The following PITPNC1 variants were observed in gnomAD, a reference collection of about 807,000 sequenced individuals.
The protein encoded by PITPNC1 is phosphatidylinositol transfer protein cytoplasmic 1.
A neutral mutation model predicts 44.7 loss-of-function variants in PITPNC1; 18 were observed. The ratio of observed to expected loss-of-function variants is 0.40; its 90% CI spans 0.28 to 0.60. PITPNC1 has a LOEUF of 0.60. PITPNC1 is among the 20% of genes least tolerant of loss of function. PITPNC1 has a pLI of 0.39. For missense variants in PITPNC1, 290 were observed against 418.4 expected (o/e 0.69, Z 2.68); for synonymous variants, 141 against 149.6 (o/e 0.94, Z 0.42).
intron 1 of PITPNC1, among the ~76,000 whole-genome samples, chr17:67,437,889 G>A (rs1438119489): frequency 1.3e-5 from 2 of 152,074 alleles, no homozygotes; most frequent in Admixed American, 6.5e-5. Context: ...CTAGCATGGC[G>A]AAACCCCATC....
At chr17:67,495,080 G>A (rs1263133445) in intron 1 of PITPNC1, among the ~76,000 whole-genome samples, 1 of 49,696 alleles carries the variant, frequency 2.0e-5, no homozygotes, top group African/African-American at 7.0e-5. Flanking sequence ...TTTTTGAGAC[G>A]GAGTCTGGCT....
Position 67,553,529 on chromosome 17 carries a change from A to G in PITPNC1, c.287-81A>G, listed in dbSNP as rs530317658. 6.6e-5 allele frequency: 39 copies of G among 589,990 alleles called. No individual in the cohort carries two copies. In the South Asian group the frequency reaches 1.1e-3, roughly 16 times the overall value. 36.5% of individuals were successfully genotyped at this position (589,990 alleles called of 1,614,324 possible). Reference sequence around the variant, plus strand: ...AGTATTTGTTAGTTCTGTGGTTTTTATATTGCATATAAGCATGATCTAAAT... The same window carrying G: ...AGTATTTGTTAGTTCTGTGGTTTTTGTATTGCATATAAGCATGATCTAAAT... On this transcript the variant is annotated intron_variant, in intron 3 of 8. Coordinates refer to ENST00000581322, the MANE Select transcript of PITPNC1 (RefSeq NM_012417.4).
chr17:67,684,123 T>C (rs2042768776), intron 8 of PITPNC1, among the ~76,000 whole-genome samples: 1 of 147,578 alleles, frequency 6.8e-6, no homozygotes, highest in East Asian at 2.0e-4. Context: ...ATTTTTTTTT[T>C]TTTTTTGAGA....
At chr17:67,567,608 G>A (rs1228776041) in intron 4 of PITPNC1, among the ~76,000 whole-genome samples, 1 of 152,166 alleles carries the variant, frequency 6.6e-6, no homozygotes, top group Admixed American at 6.5e-5. Context: ...GTAGCCGTCT[G>A]GAAGTTCCTC....
intron 6 of PITPNC1, among the ~76,000 whole-genome samples, chr17:67,659,836 C>G (rs955251865): frequency 6.6e-6 from 1 of 152,124 alleles, no homozygotes. Flanking sequence ...CATAAGTATA[C>G]ACCTGTGAAA....
intron 1 of PITPNC1, among the ~76,000 whole-genome samples, chr17:67,507,221 T>G (rs2040116817): frequency 6.6e-6 from 1 of 152,142 alleles, no homozygotes; most frequent in Non-Finnish European, 1.5e-5. Context: ...GCTGAGAATG[T>G]GTGCAGAACA....
intron 1 of PITPNC1, among the ~76,000 whole-genome samples, chr17:67,495,305 G>A (rs974306410): frequency 1.3e-5 from 2 of 151,836 alleles, no homozygotes; most frequent in African/African-American, 2.4e-5. Context: ...TGATCCGTCC[G>A]CCTCAGCCTC....
rs141110395 is a variant in PITPNC1 at position 67,616,656 on chromosome 17, C to T, written c.367-15487C>T. 7.2e-5 allele frequency among the ~76,000 whole-genome samples: 11 copies of T among 152,194 alleles called. No homozygotes were observed. In the East Asian group the frequency reaches 1.9e-3, roughly 27 times the overall value. ...GGTTCTCAACCCTTTTGTTGAGCAC[C>T]GGTTTGCTGGTGCTCTTTTTAGACA... On this transcript the variant is annotated intron_variant, in intron 5 of 8. Coordinates refer to ENST00000581322, the MANE Select transcript of PITPNC1 (RefSeq NM_012417.4).
intron 5 of PITPNC1, among the ~76,000 whole-genome samples, chr17:67,626,166 T>C (rs960789525): frequency 1.3e-5 from 2 of 151,926 alleles, no homozygotes; most frequent in African/African-American, 4.8e-5. Context: ...TTGTAATTTT[T>C]ATAGAGACAG....
chr17:67,591,152 C>T (rs2041386932), intron 5 of PITPNC1, among the ~76,000 whole-genome samples: 1 of 152,038 alleles, frequency 6.6e-6, no homozygotes. Flanking sequence ...ACAAAAAACC[C>T]ATAAGCTAAA....
At chr17:67,655,055 G>C (rs1221922659) in intron 6 of PITPNC1, among the ~76,000 whole-genome samples, 1 of 152,134 alleles carries the variant, frequency 6.6e-6, no homozygotes, top group Non-Finnish European at 1.5e-5. Context: ...AACCATTTGG[G>C]CTGCAATAAC....
At chr17:67,408,401 A>AGG (rs2143836095) in intron 1 of PITPNC1, among the ~76,000 whole-genome samples, 1 of 148,012 alleles carries the variant, frequency 6.8e-6, no homozygotes, top group East Asian at 2.1e-4. Flanking sequence ...GTGGTGGTGC[A>AGG]TGCCTGTAAT....
intron 2 of PITPNC1, among the ~76,000 whole-genome samples, chr17:67,534,888 G>T (rs1259269869): frequency 1.3e-5 from 2 of 152,048 alleles, no homozygotes; most frequent in Non-Finnish European, 2.9e-5. Flanking sequence ...CCTCGGACGT[G>T]GTTAGACATC....
At chr17:67,627,352 AC>A (rs2041908646) in intron 5 of PITPNC1, among the ~76,000 whole-genome samples, 1 of 152,228 alleles carries the variant, frequency 6.6e-6, no homozygotes, top group Non-Finnish European at 1.5e-5. Flanking sequence ...TGGGTACCCC[AC>A]CCTGAAATAT....
intron 1 of PITPNC1, among the ~76,000 whole-genome samples, chr17:67,503,123 T>A (rs976539251): frequency 6.6e-6 from 1 of 152,046 alleles, no homozygotes; most frequent in Non-Finnish European, 1.5e-5. Flanking sequence ...GAAGTGGAGA[T>A]GTCAAAGAAA....
chr17:67,515,203 C>G (rs923695003), intron 1 of PITPNC1, among the ~76,000 whole-genome samples: 3 of 152,206 alleles, frequency 2.0e-5, no homozygotes, highest in Non-Finnish European at 4.4e-5. Context: ...CAAATACCAT[C>G]TGCCCAAGAG....
intron 5 of PITPNC1, among the ~76,000 whole-genome samples, chr17:67,579,929 ACT>A (rs2041206776): frequency 7.0e-6 from 1 of 142,636 alleles, no homozygotes; most frequent in Admixed American, 7.2e-5. Flanking sequence ...ACAGAGCGAG[ACT>A]CTGTCTCAAA....
chr17:67,681,468 G>A (rs1270414241), intron 8 of PITPNC1, among the ~76,000 whole-genome samples: 1 of 151,796 alleles, frequency 6.6e-6, no homozygotes, highest in Non-Finnish European at 1.5e-5. Flanking sequence ...AAAATTAGCT[G>A]GACATGATGG....
chr17:67,417,213 A>ACTTGAACTCCTGGG (rs1443014252), intron 1 of PITPNC1, among the ~76,000 whole-genome samples: 2 of 151,836 alleles, frequency 1.3e-5, no homozygotes, highest in African/African-American at 4.8e-5. Context: ...CTCACTGAAG[A>ACTTGAACTCCTGGG]CTTGAACTCC....
Sources: gnomAD v4.1 joint callset for allele counts (sites outside exome capture counted in the v4.1 genomes callset) on GRCh38, gnomAD v4.1.1 for gene constraint, MANE v1.5 for transcripts, NCBI Gene and HGNC (gene_info 2026-07-23, HGNC 2026-07-21) for gene names.